TIAM2: variants seen among roughly 807,000 people sequenced by gnomAD.
The protein encoded by TIAM2 is rho guanine nucleotide exchange factor TIAM2.
TIAM2 carries 80 observed loss-of-function variants against 152.9 expected under a neutral mutation model. The observed-to-expected ratio is 0.52, with a 90% CI of 0.44 to 0.63. TIAM2 has a LOEUF of 0.63. Ranked by LOEUF, TIAM2 falls within the 30% of genes least tolerant of loss-of-function variation. The pLI is 0.00. For synonymous variants in TIAM2, 804 were observed against 838.0 expected, an observed-to-expected ratio of 0.96 and a Z score of 0.70; for missense variants, 1,965 against 2,120.1, an observed-to-expected ratio of 0.93 and a Z score of 1.44.
intron 1 of TIAM2, among the ~76,000 whole-genome samples, chr6:155,048,655 C>T (rs553862196): frequency 1.4e-4 from 22 of 152,148 alleles, no homozygotes; most frequent in African/African-American, 4.1e-4. Flanking sequence ...GAAGGAGACT[C>T]GGGAGGCCGC....
intron 1 of TIAM2, among the ~76,000 whole-genome samples, chr6:155,000,529 CA>C (rs58867200): frequency 0.25 from 24,821 of 97,596 alleles, 2,305 homozygotes; most frequent in African/African-American, 0.44. Flanking sequence ...GAAACTGTTG[CA>C]AAAAAAAAAA....
chr6:155,094,231 T>C (rs927548599), intron 2 of TIAM2, among the ~76,000 whole-genome samples: 6 of 151,184 alleles, frequency 4.0e-5, no homozygotes, highest in East Asian at 3.9e-4. Flanking sequence ...GGTTGGGTCA[T>C]GCGTCAGCTG....
chr6:155,199,395 A>T lies in TIAM2; in HGVS notation c.3065-11809A>T, dbSNP rs147723970. Among the ~76,000 whole-genome samples, 12 of 152,304 alleles carry T rather than the reference A, an allele frequency of 7.9e-5. No individual in the cohort carries two copies. The South Asian group carries it at 2.5e-3, about 32-fold the overall frequency. ...GCCCAGCCTGAGAACAGTAACTTCT[A>T]TATCACCAGTATAGGCCAATAGTGA... On this transcript the variant is annotated intron_variant, in intron 14 of 26. Coordinates refer to ENST00000682666, the MANE Select transcript of TIAM2 (RefSeq NM_012454.4).
chr6:155,108,423 C>G (rs977298175), intron 2 of TIAM2, among the ~76,000 whole-genome samples: 6 of 152,314 alleles, frequency 3.9e-5, no homozygotes, highest in African/African-American at 1.4e-4. Context: ...GCACTGACCG[C>G]CGCCTTCTCC....
intron 2 of TIAM2, among the ~76,000 whole-genome samples, chr6:155,125,441 C>T (rs140063311): frequency 6.6e-6 from 1 of 152,224 alleles, no homozygotes; most frequent in East Asian, 1.9e-4. Context: ...CAGAAAATAA[C>T]AAGCATGGGT....
chr6:155,164,133 G>GTTTTTTTTTTTTTTTTTTTTTTTTTTTTT (rs375238178), intron 7 of TIAM2, among the ~76,000 whole-genome samples: 1 of 118,006 alleles, frequency 8.5e-6, no homozygotes. Flanking sequence ...TAATTTTTGT[G>GTTTTTTTTTTTTTTTTTTTTTTTTTTTTT]TTTTTTTTTT....
intron 7 of TIAM2, among the ~76,000 whole-genome samples, chr6:155,157,530 C>A (rs1030199825): frequency 3.3e-5 from 5 of 151,760 alleles, no homozygotes; most frequent in African/African-American, 1.2e-4. Flanking sequence ...TGGTCTCGAA[C>A]TCCTGGGTGC....
At chr6:155,066,074 G>A (rs112758876) in intron 1 of TIAM2, among the ~76,000 whole-genome samples, 1,768 of 152,214 alleles carry the variant, frequency 0.012, 15 homozygotes, top group Middle Eastern at 0.099. Flanking sequence ...AAGCCTTCCC[G>A]GAAAAATGGG....
chr6:155,128,031 G>A (rs1779336661), intron 3 of TIAM2, among the ~76,000 whole-genome samples: 1 of 152,048 alleles, frequency 6.6e-6, no homozygotes, highest in Non-Finnish European at 1.5e-5. Flanking sequence ...AAAAGAGATG[G>A]TTTCTTCTTT....
intron 1 of TIAM2, among the ~76,000 whole-genome samples, chr6:155,003,351 A>G (rs1885698): frequency 0.98 from 149,865 of 152,182 alleles, 73,805 homozygotes; most frequent in East Asian, 1. Context: ...GTAGTGGTGC[A>G]CGCCTGTAAT....
chr6:155,123,788 A>G (rs1013638655), intron 2 of TIAM2, among the ~76,000 whole-genome samples: 1 of 152,036 alleles, frequency 6.6e-6, no homozygotes, highest in African/African-American at 2.4e-5. Context: ...GTGGTTGAGG[A>G]GTGAGCGGCC....
At chr6:155,255,136 C>T (rs1783919089) in intron 26 of TIAM2, 1 of 153,150 alleles carries the variant, frequency 6.5e-6, no homozygotes, top group Admixed American at 6.5e-5. Flanking sequence ...TCTGCCCAAC[C>T]ATAGGCTAAT....
chr6:155,056,511 T>C (rs1777456352), intron 1 of TIAM2, among the ~76,000 whole-genome samples: 1 of 151,544 alleles, frequency 6.6e-6, no homozygotes, highest in South Asian at 2.1e-4. Context: ...TTCAGAAATT[T>C]TTTTGCTCAC....
chr6:155,128,539 A>G (rs1291024994), intron 3 of TIAM2, among the ~76,000 whole-genome samples: 1 of 152,152 alleles, frequency 6.6e-6, no homozygotes, highest in Non-Finnish European at 1.5e-5. Flanking sequence ...CAGAATAAAG[A>G]TACTTTCCCT....
At chr6:155,082,373 A>G (rs1477709696) in intron 1 of TIAM2, among the ~76,000 whole-genome samples, 2 of 152,040 alleles carry the variant, frequency 1.3e-5, no homozygotes, top group African/African-American at 2.4e-5. Context: ...AAAATAGGCC[A>G]GGCACTGTGG....
At chr6:155,102,767 TTGTGTGTGTGTGTGTGTGTGTGTGTGTG>T (rs56117781) in intron 2 of TIAM2, among the ~76,000 whole-genome samples, 1 of 145,760 alleles carries the variant, frequency 6.9e-6, no homozygotes, top group East Asian at 2.0e-4. Context: ...GATTAATTTA[TTGTGTGTGTGTGTGTGTGTGTGTGTGTG>T]TGTGTGTGTG....
chr6:155,080,589 G>A (rs370135653), intron 1 of TIAM2, among the ~76,000 whole-genome samples: 2 of 151,838 alleles, frequency 1.3e-5, no homozygotes, highest in African/African-American at 2.4e-5. Context: ...ACAGGTGTGC[G>A]CCACCATGCC....
intron 1 of TIAM2, among the ~76,000 whole-genome samples, chr6:155,008,918 A>T (rs1308504727): frequency 6.6e-6 from 1 of 152,132 alleles, no homozygotes; most frequent in Non-Finnish European, 1.5e-5. Flanking sequence ...GTTGCTTAGC[A>T]TGTACTGCCT....
At chr6:155,132,388 C>T (rs1349599687) in intron 4 of TIAM2, among the ~76,000 whole-genome samples, 1 of 151,586 alleles carries the variant, frequency 6.6e-6, no homozygotes, top group Non-Finnish European at 1.5e-5. Flanking sequence ...AGCGTGTCTG[C>T]CTCCACCACC....
Sources: gnomAD v4.1 joint callset for allele counts (sites outside exome capture counted in the v4.1 genomes callset) on GRCh38, gnomAD v4.1.1 for gene constraint, MANE v1.5 for transcripts, NCBI Gene and HGNC (gene_info 2026-07-23, HGNC 2026-07-21) for gene names.